CEP89: variants seen among roughly 807,000 people sequenced by gnomAD.
CEP89 encodes the protein centrosomal protein 89, also known as centrosomal protein of 89 kDa.
CEP89 carries 95 observed loss-of-function variants against 97.6 expected under a neutral mutation model. The ratio of observed to expected loss-of-function variants is 0.97; its 90% confidence interval spans 0.82 to 1.15. The LOEUF (loss-of-function observed/expected upper bound fraction) is 1.15, where lower values mean the gene tolerates loss of function less well. CEP89 is among the 50% of genes most tolerant of loss of function. CEP89 has a pLI of 0.00. For missense variants in CEP89, 869 were observed against 947.7 expected (o/e 0.92, Z 1.09); for synonymous variants, 354 against 349.1 (o/e 1.01, Z -0.16).
At chr19:32,887,014 C>CAAAAA (rs1229953376) in intron 17 of CEP89, among the ~76,000 whole-genome samples, 1 of 76,512 alleles carries the variant, frequency 1.3e-5, no homozygotes. Flanking sequence ...CATCTCTAAA[C>CAAAAA]AAAAAAAAAA....
chr19:32,924,657 A>T (rs897530531), intron 11 of CEP89, among the ~76,000 whole-genome samples: 2 of 152,214 alleles, frequency 1.3e-5, no homozygotes, highest in African/African-American at 4.8e-5. Context: ...CTCTCCACCC[A>T]GACACACTCA....
intron 13 of CEP89, 107 bp downstream of exon 13, chr19:32,918,117 A>G (rs1970166962): frequency 6.9e-6 from 6 of 865,066 alleles, no homozygotes; most frequent in South Asian, 6.1e-5. Flanking sequence ...AATGCAAAAC[A>G]TGACTTCTCT....
At position 32,902,010 on chromosome 19, in the gene CEP89, C is replaced by CTCTCTCTGTG. The variant is rs1207481256; in HGVS notation, c.1566-599_1566-598insCACAGAGAGA. 4.3e-3 allele frequency among the ~76,000 whole-genome samples: 573 copies of CTCTCTCTGTG among 133,802 alleles called. 2 individuals are homozygous for CTCTCTCTGTG. The highest frequency in any genetic ancestry group is 0.026 in the South Asian group (99 of 3,862). The allele number at this position is 133,802 out of a possible 152,430, so 87.8% of individuals were successfully genotyped here. ...TCTGTCTCTCTGTCTCTCTCTCTCT[C>CTCTCTCTGTG]TGTGTGTGTGTGTGTGTGTGTGTGT... is the stretch of plus-strand genomic sequence containing the variant. On this transcript the variant is annotated intron_variant, in intron 14 of 18. Transcript: ENST00000305768.
intron 5 of CEP89, among the ~76,000 whole-genome samples, chr19:32,947,016 G>A (rs545017771): frequency 3.3e-5 from 5 of 151,988 alleles, no homozygotes; most frequent in Non-Finnish European, 7.4e-5. Context: ...TAAAAAATAC[G>A]CCAACTGACC....
At chr19:32,949,165 A>G (rs1254036435) in intron 4 of CEP89, among the ~76,000 whole-genome samples, 3 of 152,204 alleles carry the variant, frequency 2.0e-5, no homozygotes, top group Non-Finnish European at 4.4e-5. Context: ...ACTGACTGAG[A>G]GTAGCTCCTA....
chr19:32,889,742 C>G (rs540414256), intron 16 of CEP89, among the ~76,000 whole-genome samples: 1 of 152,168 alleles, frequency 6.6e-6, no homozygotes, highest in African/African-American at 2.4e-5. Context: ...ACAAACAAGA[C>G]GGCTTTGCGT....
intron 7 of CEP89, 50 bp downstream of exon 7, chr19:32,937,581 A>G: frequency 1.5e-6 from 2 of 1,312,050 alleles, no homozygotes; most frequent in Non-Finnish European, 2.2e-6. Flanking sequence ...TAATCTGGAT[A>G]TTCTCCAAAA....
At chr19:32,929,125 A>T (rs1238099804) in intron 9 of CEP89, among the ~76,000 whole-genome samples, 1 of 152,206 alleles carries the variant, frequency 6.6e-6, no homozygotes, top group Admixed American at 6.5e-5. Flanking sequence ...CACTCTGCAA[A>T]CATTGGCAAC....
At chr19:32,931,904 G>C (rs559737494) in intron 8 of CEP89, among the ~76,000 whole-genome samples, 2 of 152,188 alleles carry the variant, frequency 1.3e-5, no homozygotes, top group African/African-American at 4.8e-5. Context: ...TACAGAGGCC[G>C]GGTGCGGTGG....
intron 18 of CEP89, among the ~76,000 whole-genome samples, chr19:32,880,639 TAAAAA>T (rs60785987): frequency 5.4e-4 from 75 of 137,700 alleles, no homozygotes; most frequent in East Asian, 1.3e-3. Context: ...ACCTTGTATT[TAAAAA>T]AAAAAAAAAA....
At chr19:32,901,007 TC>T (rs1474495114) in intron 15 of CEP89, among the ~76,000 whole-genome samples, 1 of 151,228 alleles carries the variant, frequency 6.6e-6, no homozygotes, top group Non-Finnish European at 1.5e-5. Context: ...TGCCTCAGCC[TC>T]CCGAGTAGCT....
rs34035782 is a variant in CEP89, at chr19:32,877,160, C to A, written c.*2002G>T. 1 of 151,968 alleles carries A rather than the reference C, an allele frequency of 6.6e-6. No individual in the cohort carries two copies. Among genetic ancestry groups the A allele is most frequent in the Non-Finnish European group, 1.5e-5 (1 of 67,976 alleles). The allele number at this position is 151,968 out of a possible 1,614,324, so 9.4% of individuals were successfully genotyped here. A position where few individuals can be genotyped will look rare whatever the true frequency, so the allele number is the denominator to read the frequency against. On this transcript the variant is annotated 3_prime_UTR_variant, in exon 19 of 19. Transcript: ENST00000305768. The stretch of plus-strand genomic sequence containing the variant: ...TTTCAATCCCAGTGAGTCTTTCTAC[C>A]GCTTGTAAAATAAAATTAAATTACA...
chr19:32,888,933 C>T (rs752547836), intron 16 of CEP89, among the ~76,000 whole-genome samples: 5 of 152,038 alleles, frequency 3.3e-5, no homozygotes, highest in Non-Finnish European at 5.9e-5. Flanking sequence ...CCTCAACCTC[C>T]TGGGTAGCTA....
intron 3 of CEP89, among the ~76,000 whole-genome samples, chr19:32,954,818 C>T (rs994003537): frequency 1.3e-5 from 2 of 150,842 alleles, no homozygotes; most frequent in Admixed American, 1.3e-4. Context: ...GCACTCGCCA[C>T]CACACCTGGC....
At chr19:32,900,523 C>A (rs569677718) in intron 15 of CEP89, among the ~76,000 whole-genome samples, 52 of 152,162 alleles carry the variant, frequency 3.4e-4, no homozygotes, top group African/African-American at 1.3e-3. Flanking sequence ...CTCAGCCTTA[C>A]AAAGTGCTGG....
intron 6 of CEP89, among the ~76,000 whole-genome samples, chr19:32,939,591 T>C (rs1970645237): frequency 6.6e-6 from 1 of 151,036 alleles, no homozygotes; most frequent in South Asian, 2.1e-4. Context: ...GGTGGGAGGA[T>C]CGCTTGAGCC....
intron 3 of CEP89, among the ~76,000 whole-genome samples, chr19:32,956,552 G>T (rs1297452753): frequency 6.6e-6 from 1 of 151,400 alleles, no homozygotes; most frequent in African/African-American, 2.4e-5. Flanking sequence ...TTTTTGTAGA[G>T]ATGGGGGTCT....
In CEP89 at chr19:32,957,524, C is replaced by T. The variant is rs1231475060; in HGVS notation, c.305+2376G>A. ...TCTACAAAATAAAAATAAAAATTAGCCTGGGCTGGGCACAGTGGTTCATGC... is the reference window on the plus strand; with the variant it reads ...TCTACAAAATAAAAATAAAAATTAGTCTGGGCTGGGCACAGTGGTTCATGC... On this transcript the variant is annotated intron_variant, in intron 3 of 18. Coordinates refer to ENST00000305768, the MANE Select transcript of CEP89 (RefSeq NM_032816.5). Among the ~76,000 whole-genome samples, 3 of 151,336 alleles carry T rather than the reference C, an allele frequency of 2.0e-5. No individual in the cohort carries two copies. The East Asian group carries it at 5.9e-4, about 30-fold the overall frequency.
chr19:32,951,574 A>G (rs1399333471), intron 4 of CEP89, among the ~76,000 whole-genome samples: 6 of 131,952 alleles, frequency 4.5e-5, no homozygotes, highest in Non-Finnish European at 9.9e-5. Flanking sequence ...CACGCACACT[A>G]CTACAGTTGT....
Sources: gnomAD v4.1 joint callset for allele counts (sites outside exome capture counted in the v4.1 genomes callset) on GRCh38, gnomAD v4.1.1 for gene constraint, MANE v1.5 for transcripts, NCBI Gene and HGNC (gene_info 2026-07-23, HGNC 2026-07-21) for gene names.